The following CA7 variants were observed in gnomAD, a reference collection of about 807,000 sequenced individuals.
CA7 encodes carbonic anhydrase 7.
In CA7, 13 loss-of-function variants were observed where a neutral mutation model predicts 31.4. The ratio of observed to expected loss-of-function variants is 0.41; its 90% CI spans 0.27 to 0.66. The LOEUF (loss-of-function observed/expected upper bound fraction) is 0.66, where lower values mean the gene tolerates loss of function less well. Ranked by LOEUF, CA7 falls within the 30% of genes least tolerant of loss-of-function variation. CA7 has a pLI of 0.28. For synonymous variants in CA7, 128 were observed against 133.2 expected, an observed-to-expected ratio of 0.96 and a Z score of 0.27; for missense variants, 215 against 351.0, an observed-to-expected ratio of 0.61 and a Z score of 3.10.
chr16:66,846,034 A>G (rs1220120391), intron 1 of CA7, among the ~76,000 whole-genome samples: 1 of 152,186 alleles, frequency 6.6e-6, no homozygotes, highest in Non-Finnish European at 1.5e-5. Context: ...TAAGAAGCCA[A>G]AAAGGGGGAG....
Position 66,850,597 on chromosome 16 carries a change from T to C in CA7, c.295T>C (p.Trp99Arg). The change falls in exon 3 of 7, where the codon TGG (tryptophan) becomes CGG (arginine). Residue 99 changes from tryptophan (W) to arginine (R), a missense_variant. By Grantham distance (101) the Trp-to-Arg change is moderately radical (BLOSUM62 -3). Coordinates refer to ENST00000338437, the MANE Select transcript of CA7 (RefSeq NM_005182.3). ...CCGCCTCAAGCAGTTTCACTTCCAC[T>C]GGGGCAAGAAGCACGATGTGGGTTC... ...PYRLKQFHFHWGKKHDVGSEH... is the reference protein window; with the variant it reads ...PYRLKQFHFHRGKKHDVGSEH... The C allele has an allele frequency of 6.2e-7, 1 of 1,614,124 alleles. No individual in the cohort carries two copies. The highest frequency in any genetic ancestry group is 8.5e-7 in the Non-Finnish European group (1 of 1,179,982).
intron 1 of CA7, chr16:66,845,271 G>C (rs1245409927): frequency 4.1e-6 from 4 of 976,462 alleles, no homozygotes; most frequent in Non-Finnish European, 4.9e-6. Flanking sequence ...GTCTGGGGCA[G>C]TCAATTCCCT....
chr16:66,850,552 G>A lies in CA7; in HGVS notation c.250G>A (p.Gly84Ser). The A allele has an allele frequency of 6.2e-7, 1 of 1,611,628 alleles. No individual in the cohort carries two copies. Among genetic ancestry groups the A allele is most frequent in the Non-Finnish European group, 8.5e-7 (1 of 1,177,764 alleles). The stretch of plus-strand genomic sequence containing the variant: ...ACTTCTACCCACAGTGGTGACTGGG[G>A]GCCCCCTGGAAGGGCCCTACCGCCT... ...DSDDRTVVTG[G>S]PLEGPYRLKQ... Residue 84 changes from glycine (G) to serine (S), a missense_variant, in exon 3 of 7, where the codon GGC becomes AGC. Coordinates refer to ENST00000338437, the MANE Select transcript of CA7 (RefSeq NM_005182.3).
chr16:66,852,585 AG>A (rs1447248594), intron 5 of CA7, 126 bp from the exon 6 acceptor site: 314 of 473,072 alleles, frequency 6.6e-4, no homozygotes, highest in African/African-American at 1.1e-3. Context: ...AGAAAAGAAA[AG>A]AAAAAAAAAA....
At position 66,853,370 on chromosome 16, in the gene CA7, C is replaced by T; in HGVS notation, c.673-6C>T. On this transcript the variant is annotated splice_region_variant and splice_polypyrimidine_tract_variant and intron_variant, in intron 6 of 6. Transcript: ENST00000338437. The surrounding 1 kb of genome is among the most constrained non-coding windows in gnomAD (Gnocchi z 4.5). ...CTGCCCTGAGCATTCCTTCTGCTTCCTCAAGATGGGGAAGTTCCGGAGCCT... is the reference window on the plus strand; with the variant it reads ...CTGCCCTGAGCATTCCTTCTGCTTCTTCAAGATGGGGAAGTTCCGGAGCCT... 1 of 1,614,108 alleles carries T rather than the reference C, an allele frequency of 6.2e-7. No homozygotes were observed. Among genetic ancestry groups the T allele is most frequent in the Non-Finnish European group, 8.5e-7 (1 of 1,179,994 alleles).
At chr16:66,849,733 T>C (rs1431617768) in intron 2 of CA7, among the ~76,000 whole-genome samples, 1 of 152,106 alleles carries the variant, frequency 6.6e-6, no homozygotes, top group African/African-American at 2.4e-5. Flanking sequence ...CCTCTGTCAG[T>C]CCCAGACCCT....
At position 66,853,519 on chromosome 16, in the gene CA7, G is replaced by A. The variant is rs762617011; in HGVS notation, c.*21G>A. The A allele has an allele frequency of 6.8e-6, 11 of 1,612,942 alleles. No individual in the cohort carries two copies. In the Admixed American group the frequency reaches 1.8e-4, roughly 27 times the overall value. On this transcript the variant is annotated 3_prime_UTR_variant, in exon 7 of 7. Coordinates refer to ENST00000338437, the MANE Select transcript of CA7 (RefSeq NM_005182.3). This position sits in a 1 kb window ranked among gnomAD's most constrained non-coding sequence, Gnocchi z 4.5. ...CCTGAGCTGCCCATCTGCCTAGCCGGCCACTAGGGCACCATCTTCTCAAGG... is the reference window on the plus strand; with the variant it reads ...CCTGAGCTGCCCATCTGCCTAGCCGACCACTAGGGCACCATCTTCTCAAGG...
At chr16:66,845,590 G>A (rs1960913858) in intron 1 of CA7, among the ~76,000 whole-genome samples, 1 of 152,108 alleles carries the variant, frequency 6.6e-6, no homozygotes. Context: ...GTATGCAAGA[G>A]CTGGAAAGAG....
rs1278829129 is a variant in CA7 at position 66,852,590 on chromosome 16, A to AG, written c.517-122_517-121insG. On this transcript the variant is annotated intron_variant, in intron 5 of 6. Transcript: ENST00000338437. Reference sequence around the variant, plus strand: ...AGAAAAAGAAAGAAAAGAAAAGAAAAAAAAAAGAAAAGAAAAGAAAAAAGA... The same window carrying AG: ...AGAAAAAGAAAGAAAAGAAAAGAAAAGAAAAAAGAAAAGAAAAGAAAAAAGA... 13 of 548,684 alleles carry AG rather than the reference A, an allele frequency of 2.4e-5. 1 individual carries two copies. The highest frequency in any genetic ancestry group is 2.6e-4 in the African/African-American group (2 of 7,666). The allele number at this position is 548,684 out of a possible 1,614,324, so 34.0% of individuals were successfully genotyped here. A position where few individuals can be genotyped will look rare whatever the true frequency, so the allele number is the denominator to read the frequency against.
intron 1 of CA7, chr16:66,845,166 C>A (rs745373929): frequency 1.1e-4 from 106 of 985,480 alleles, no homozygotes; most frequent in Non-Finnish European, 1.3e-4. Flanking sequence ...CCTGGGCTGA[C>A]GCGGAAGAGA....
At chr16:66,852,591 AAAAAAG>A in intron 5 of CA7, 115 bp from the exon 6 acceptor site, 1 of 556,796 alleles carries the variant, frequency 1.8e-6, no homozygotes, top group Non-Finnish European at 2.5e-6. Flanking sequence ...GAAAAGAAAA[AAAAAAG>A]AAAAGAAAAG....
In CA7 at chr16:66,853,217, T is replaced by G. The variant is rs187595808; in HGVS notation, c.673-159T>G. ...TTAGTGAGTAAATAAATGAGGGTCC[T>G]GCAGAGAAAAATGAGTGGGGAAGAG... On this transcript the variant is annotated intron_variant, in intron 6 of 6. Transcript: ENST00000338437. The surrounding 1 kb of genome is among the most constrained non-coding windows in gnomAD (Gnocchi z 4.5). Among the ~76,000 whole-genome samples, 1 of 152,172 alleles carries G rather than the reference T, an allele frequency of 6.6e-6. No homozygotes were observed. The highest frequency in any genetic ancestry group is 2.4e-5 in the African/African-American group (1 of 41,524).
intron 2 of CA7, 40 bp from the exon 3 acceptor site, chr16:66,850,501 C>T (rs779451908): frequency 1.2e-5 from 14 of 1,165,460 alleles, no homozygotes; most frequent in Non-Finnish European, 1.8e-5. Context: ...GCTGTCGGTC[C>T]TCTCCTACTC....
rs763896416 is a variant in CA7 at position 66,853,461 on chromosome 16, T to C, written c.758T>C (p.Leu253Pro). 1 of 1,614,150 alleles carries C rather than the reference T, an allele frequency of 6.2e-7. No homozygotes were observed. The highest frequency in any genetic ancestry group is 8.5e-7 in the Non-Finnish European group (1 of 1,180,016). ...MVNNFRPPQP[L>P]KGRVVKASFR... ...AACAACTTCCGGCCACCACAGCCAC[T>C]GAAGGGCCGCGTGGTAAAGGCCTCC... Residue 253 changes from leucine (L) to proline (P), a missense_variant, in exon 7 of 7, where the codon CTG (leucine) becomes CCG (proline). Transcript: ENST00000338437. This position sits in a 1 kb window ranked among gnomAD's most constrained non-coding sequence, Gnocchi z 4.5.
At chr16:66,847,733 G>A (rs1445322253) in intron 2 of CA7, among the ~76,000 whole-genome samples, 1 of 152,162 alleles carries the variant, frequency 6.6e-6, no homozygotes, top group Non-Finnish European at 1.5e-5. Flanking sequence ...GATGAGCTGG[G>A]GAGGGCCAGA....
chr16:66,853,396 G>A lies in CA7; in HGVS notation c.693G>A (p.Leu231=), dbSNP rs1217392707. Residue 231 remains leucine (L), a synonymous_variant, in exon 7 of 7, where the codon CTG becomes CTA. Transcript: ENST00000338437. This position sits in a 1 kb window ranked among gnomAD's most constrained non-coding sequence, Gnocchi z 4.5. ...SERQMGKFRS[L]LFTSEDDERI... The stretch of plus-strand genomic sequence containing the variant: ...TCAAGATGGGGAAGTTCCGGAGCCT[G>A]CTTTTTACCTCGGAGGACGATGAGA... 7.4e-6 allele frequency: 12 copies of A among 1,614,112 alleles called. No individual in the cohort carries two copies. The highest frequency in any genetic ancestry group is 3.3e-4 in the Middle Eastern group (2 of 6,060).
chr16:66,851,372 G>A (rs1163899498), intron 3 of CA7, 91 bp from the exon 4 acceptor site: 2 of 1,062,302 alleles, frequency 1.9e-6, no homozygotes, highest in Non-Finnish European at 1.5e-6. Flanking sequence ...CTGCAAAGAG[G>A]CCAGGGGTCT....
chr16:66,853,067 G>A lies in CA7; in HGVS notation c.672+200G>A, dbSNP rs892145254. Among the ~76,000 whole-genome samples, 14 of 152,186 alleles carry A rather than the reference G, an allele frequency of 9.2e-5. No individual in the cohort carries two copies. The highest frequency in any genetic ancestry group is 3.3e-4 in the Admixed American group (5 of 15,278). The stretch of plus-strand genomic sequence containing the variant: ...CAGAACCTAGACACTGGCTGGGAGC[G>A]GGGATACCTGGATCCTGGGACCCCC... On this transcript the variant is annotated intron_variant, in intron 6 of 6. Transcript: ENST00000338437. This position sits in a 1 kb window ranked among gnomAD's most constrained non-coding sequence, Gnocchi z 4.5.
At chr16:66,851,772 A>C (rs765508892) in intron 5 of CA7, 46 bp downstream of exon 5, 10 of 1,559,906 alleles carry the variant, frequency 6.4e-6, no homozygotes, top group Non-Finnish European at 8.8e-6. Flanking sequence ...GGGAGAGAGG[A>C]AGAGGCTGGC....
Sources: gnomAD v4.1 joint callset for allele counts (sites outside exome capture counted in the v4.1 genomes callset) on GRCh38, gnomAD v4.1.1 for gene constraint, Gnocchi (gnomAD v3.1) non-coding constraint, MANE v1.5 for transcripts, NCBI Gene and HGNC (gene_info 2026-07-23, HGNC 2026-07-21) for gene names.